Variants in GOT2 observed in about 807,000 individuals in gnomAD.
The protein encoded by GOT2 is aspartate aminotransferase, mitochondrial.
A neutral mutation model predicts 50.0 loss-of-function variants in GOT2; 17 were observed. The ratio of observed to expected loss-of-function variants is 0.34; its 90% confidence interval spans 0.23 to 0.51. GOT2 has a LOEUF of 0.51. Among genes scored for constraint, GOT2 ranks in the 20% least tolerant of loss-of-function variants. GOT2 has a pLI of 0.97. For missense variants in GOT2, 430 were observed against 559.6 expected, an observed-to-expected ratio of 0.77 and a Z score of 2.34; for synonymous variants, 172 against 204.9, an observed-to-expected ratio of 0.84 and a Z score of 1.37.
Position 58,718,269 on chromosome 16 carries a change from T to C in GOT2, c.629A>G (p.His210Arg). The stretch of plus-strand genomic sequence containing the variant: ...TCCCGTGGGATTGTGGGCGCAGGCA[T>C]GCAGAAGAAGAACACTCTGCTCTGG... The part of the protein sequence containing the change: ...KIPEQSVLLL[H>R]ACAHNPTGVD... Residue 210 changes from histidine (H) to arginine (R), a missense_variant, in exon 6 of 10, where the codon CAT becomes CGT. Coordinates refer to ENST00000245206, the MANE Select transcript of GOT2 (RefSeq NM_002080.4). 6.2e-7 allele frequency: 1 copy of C among 1,613,990 alleles called. No individual in the cohort carries two copies. Among genetic ancestry groups the C allele is most frequent in the East Asian group, 2.2e-5 (1 of 44,890 alleles).
At chr16:58,728,982 C>T (rs1303159747) in intron 1 of GOT2, among the ~76,000 whole-genome samples, 4 of 152,074 alleles carry the variant, frequency 2.6e-5, no homozygotes, top group African/African-American at 9.7e-5. Flanking sequence ...CTACCGCACC[C>T]GGCCCTTTTC....
intron 8 of GOT2, among the ~76,000 whole-genome samples, chr16:58,712,009 C>A (rs2044652541): frequency 6.6e-6 from 1 of 152,080 alleles, no homozygotes; most frequent in Non-Finnish European, 1.5e-5. Context: ...TACACAAGTT[C>A]TGCATAATGC....
chr16:58,723,612 G>C (rs955390447), intron 2 of GOT2, 134 bp downstream of exon 2: 1 of 727,356 alleles, frequency 1.4e-6, no homozygotes, highest in Non-Finnish European at 2.4e-6. Flanking sequence ...CAGAAAACCC[G>C]GGTGATTCAT....
intron 1 of GOT2, among the ~76,000 whole-genome samples, chr16:58,724,643 C>T (rs1015647322): frequency 6.6e-6 from 1 of 152,044 alleles, no homozygotes; most frequent in African/African-American, 2.4e-5. Context: ...CATGTTCAAG[C>T]GATTGTCCCA....
chr16:58,715,861 T>A (rs140611968), intron 8 of GOT2, among the ~76,000 whole-genome samples, 153 bp downstream of exon 8: 53 of 152,312 alleles, frequency 3.5e-4, no homozygotes, highest in African/African-American at 1.3e-3. Context: ...CTTAATTTTT[T>A]AAAAAAGGAA....
At chr16:58,724,862 A>G (rs1415499765) in intron 1 of GOT2, among the ~76,000 whole-genome samples, 5 of 152,160 alleles carry the variant, frequency 3.3e-5, no homozygotes, top group African/African-American at 4.8e-5. Context: ...AGGTCCACAC[A>G]TTATTTAGAT....
intron 7 of GOT2, 74 bp downstream of exon 7, chr16:58,716,589 C>CA (rs2044696041): frequency 1.3e-5 from 16 of 1,274,416 alleles, no homozygotes; most frequent in Non-Finnish European, 1.5e-5. Context: ...CACACACACA[C>CA]CCACAAGCTC....
chr16:58,708,203 G>A lies in GOT2; in HGVS notation c.1261C>T (p.Leu421Phe). ...GTGACCTGGTGAATGGCATGGGCAA[G>A]GTAGCCCACGTTGCTGGAGGTGACC... The part of the protein sequence containing the change: ...AGVTSSNVGY[L>F]AHAIHQVTK The change falls in exon 10 of 10, where the codon CTT becomes TTT. Residue 421 changes from leucine to phenylalanine, a missense_variant. By Grantham distance (22) the Leu-to-Phe change is conservative (BLOSUM62 0). Coordinates refer to ENST00000245206, the MANE Select transcript of GOT2 (RefSeq NM_002080.4). 6.2e-7 allele frequency: 1 copy of A among 1,614,020 alleles called. No homozygotes were observed. The highest frequency in any genetic ancestry group is 8.5e-7 in the Non-Finnish European group (1 of 1,179,900).
chr16:58,722,361 A>G, intron 2 of GOT2, 83 bp from the exon 3 acceptor site: 2 of 1,406,692 alleles, frequency 1.4e-6, no homozygotes, highest in Non-Finnish European at 2.0e-6. Context: ...TTATAAGTTA[A>G]GTTTTGGAGG....
At chr16:58,710,836 C>T (rs1459896818) in intron 8 of GOT2, among the ~76,000 whole-genome samples, 9 of 151,160 alleles carry the variant, frequency 6.0e-5, no homozygotes, top group South Asian at 2.1e-4. Flanking sequence ...GGCGTGGCAG[C>T]GGGTGCCTGT....
chr16:58,719,563 G>A (rs1429238143), intron 3 of GOT2, among the ~76,000 whole-genome samples: 4 of 152,104 alleles, frequency 2.6e-5, no homozygotes, highest in African/African-American at 9.7e-5. Context: ...TTCGAGACCA[G>A]CCTGGCCAAC....
chr16:58,726,574 A>T (rs173992), intron 1 of GOT2, among the ~76,000 whole-genome samples: 1 of 151,288 alleles, frequency 6.6e-6, no homozygotes, highest in African/African-American at 2.4e-5. Flanking sequence ...GGCTCACTGC[A>T]ACCTGTCTCT....
chr16:58,726,515 G>A (rs187942474), intron 1 of GOT2, among the ~76,000 whole-genome samples: 527 of 51,106 alleles, frequency 0.01, 2 homozygotes, highest in Non-Finnish European at 0.012. Context: ...TTATTTTTGA[G>A]ACGGAGTCTT....
chr16:58,707,207 C>G lies in GOT2; in HGVS notation c.*964G>C, dbSNP rs2044610609. The G allele has an allele frequency of 6.6e-6, 1 of 152,212 alleles. No individual in the cohort carries two copies. Among genetic ancestry groups the G allele is most frequent in the Non-Finnish European group, 1.5e-5 (1 of 68,054 alleles). 9.4% of individuals were successfully genotyped at this position (152,212 alleles called of 1,614,324 possible). On this transcript the variant is annotated 3_prime_UTR_variant, in exon 10 of 10. Coordinates refer to ENST00000245206, the MANE Select transcript of GOT2 (RefSeq NM_002080.4). Reference sequence around the variant, plus strand: ...TACATGGTTAGAGCAGATGGTGGTTCTTTCCAGTGGGTGAAGCCTGAACCC... The same window carrying G: ...TACATGGTTAGAGCAGATGGTGGTTGTTTCCAGTGGGTGAAGCCTGAACCC...
At position 58,733,079 on chromosome 16, in the gene GOT2, C is replaced by A. The variant is rs553109016; in HGVS notation, c.89+1061G>T. Among the ~76,000 whole-genome samples the A allele has an allele frequency of 2.6e-5, 4 of 152,316 alleles. No individual in the cohort carries two copies. In the South Asian group the frequency reaches 8.3e-4, roughly 32 times the overall value. ...CGAAAGGCCAAGCTACGCTTTGCTC[C>A]TTGCAGTTAATACCTGCTTGGGGGT... is the stretch of plus-strand genomic sequence containing the variant. On this transcript the variant is annotated intron_variant, in intron 1 of 9. Transcript: ENST00000245206.
At chr16:58,720,601 T>C (rs2044733494) in intron 3 of GOT2, among the ~76,000 whole-genome samples, 1 of 148,422 alleles carries the variant, frequency 6.7e-6, no homozygotes, top group Non-Finnish European at 1.5e-5. Context: ...TTTTTTGAGA[T>C]AGGTTCGTGC....
At chr16:58,709,947 T>C (rs79520460) in intron 8 of GOT2, among the ~76,000 whole-genome samples, 2,714 of 152,356 alleles carry the variant, frequency 0.018, 76 homozygotes, top group African/African-American at 0.062. Context: ...CAGCACTCTG[T>C]TATAAAATGG....
chr16:58,726,472 C>T (rs1024931554), intron 1 of GOT2, among the ~76,000 whole-genome samples: 14 of 127,026 alleles, frequency 1.1e-4, no homozygotes, highest in Non-Finnish European at 1.9e-4. Context: ...GCGTGAGCCG[C>T]CCCCGGCCTG....
intron 8 of GOT2, among the ~76,000 whole-genome samples, chr16:58,711,481 C>G (rs963069250): frequency 2.6e-5 from 4 of 152,174 alleles, no homozygotes; most frequent in Non-Finnish European, 5.9e-5. Context: ...TAGGTGTTCA[C>G]TTTCCTAAAC....
Sources: gnomAD v4.1 joint callset for allele counts (sites outside exome capture counted in the v4.1 genomes callset) on GRCh38, gnomAD v4.1.1 for gene constraint, MANE v1.5 for transcripts, NCBI Gene and HGNC (gene_info 2026-07-23, HGNC 2026-07-21) for gene names.